The following ZNF354C variants were observed in gnomAD, a reference collection of about 807,000 sequenced individuals.
ZNF354C encodes KRAB-zinc finger protein synten.
A neutral mutation model predicts 12.4 loss-of-function variants in ZNF354C; 7 were observed. The ratio of observed to expected loss-of-function variants is 0.56; its 90% CI spans 0.32 to 1.06. ZNF354C has a LOEUF of 1.06. Ranked by LOEUF, ZNF354C falls within the 50% of genes least tolerant of loss-of-function variation. ZNF354C has a pLI of 0.04. For synonymous variants in ZNF354C, 202 were observed against 224.5 expected (o/e 0.90, Z 0.90); for missense variants, 609 against 658.0 (o/e 0.93, Z 0.81).
Position 179,081,723 on chromosome 5 carries a change from C to T in ZNF354C, c.*1626C>T, listed in dbSNP as rs185025336. ...TACCCAAATTTTGGTTTCTAAATGC[C>T]ATTCCCCACTAAAAGGAACCAGGGT... On this transcript the variant is annotated 3_prime_UTR_variant, in exon 5 of 5. Coordinates refer to ENST00000315475, the MANE Select transcript of ZNF354C (RefSeq NM_014594.3). 1.5e-4 allele frequency: 23 copies of T among 152,284 alleles called. No individual in the cohort carries two copies. Among genetic ancestry groups the T allele is most frequent in the Admixed American group, 9.2e-4 (14 of 15,294 alleles). The allele number at this position is 152,284 out of a possible 1,614,324, so 9.4% of individuals were successfully genotyped here.
In ZNF354C at chr5:179,076,489, C is replaced by T. The variant is rs751805522; in HGVS notation, c.72C>T (p.Asp24=). The change falls in exon 3 of 5, where the codon GAC becomes GAT. Residue 24 remains aspartate, a synonymous_variant. Transcript: ENST00000315475. ...FRDVAVFFSQ[D]EWLHLDSAQR... is the part of the protein sequence containing the mutation. ...ATGTGGCCGTGTTCTTCAGCCAGGA[C>T]GAGTGGTTGCACCTGGACTCTGCCC... 48 of 1,614,156 alleles carry T rather than the reference C, an allele frequency of 3.0e-5. No individual in the cohort carries two copies. Among genetic ancestry groups the T allele is most frequent in the African/African-American group, 8.0e-5 (6 of 75,036 alleles).
chr5:179,072,677 C>T (rs1762066030), intron 2 of ZNF354C, among the ~76,000 whole-genome samples: 1 of 152,134 alleles, frequency 6.6e-6, no homozygotes, highest in South Asian at 2.1e-4. Context: ...ATGCAAGCCA[C>T]ATACCTAATA....
rs149015422 is a variant in ZNF354C at position 179,064,136 on chromosome 5, A to G, written c.27+2041A>G. 3.0e-4 allele frequency among the ~76,000 whole-genome samples: 45 copies of G among 152,362 alleles called. No individual in the cohort carries two copies. In the East Asian group the frequency reaches 7.1e-3, roughly 24 times the overall value. On this transcript the variant is annotated intron_variant, in intron 2 of 4. Coordinates refer to ENST00000315475, the MANE Select transcript of ZNF354C (RefSeq NM_014594.3). ...GACTTACTTCATTTTAGCCAAGGGC[A>G]GAGGTAGGTTTGTTTGCAACTCAGA... is the stretch of plus-strand genomic sequence containing the variant.
rs755488694 is a variant in ZNF354C, at chr5:179,079,011, T to C, written c.579T>C (p.Phe193=). ...IERIPNMYYT[F]GKDFKQNFDL... is the part of the protein sequence containing the mutation. ...GGATACCCAATATGTATTATACATTTGGGAAAGATTTTAAACAGAATTTTG... is the reference window on the plus strand; with the variant it reads ...GGATACCCAATATGTATTATACATTCGGGAAAGATTTTAAACAGAATTTTG... The change falls in exon 5 of 5, where the codon TTT becomes TTC. Residue 193 remains phenylalanine (F), a synonymous_variant. Transcript: ENST00000315475. This position sits in a 1 kb window ranked among gnomAD's most constrained non-coding sequence, Gnocchi z 4.2. The C allele has an allele frequency of 5.0e-6, 8 of 1,612,974 alleles. No individual in the cohort carries two copies. Among genetic ancestry groups the C allele is most frequent in the Admixed American group, 1.7e-5 (1 of 59,828 alleles).
Position 179,083,840 on chromosome 5 carries a change from G to C in ZNF354C, c.*3743G>C, listed in dbSNP as rs1343805039. Reference sequence around the variant, plus strand: ...CCTGGGCATTCCTGTGGTGAGGACAGAGATGGCTGAGCAGGCATCTAAACC... The same window carrying C: ...CCTGGGCATTCCTGTGGTGAGGACACAGATGGCTGAGCAGGCATCTAAACC... On this transcript the variant is annotated 3_prime_UTR_variant, in exon 5 of 5. Transcript: ENST00000315475. Among the ~76,000 whole-genome samples, 2 of 152,204 alleles carry C rather than the reference G, an allele frequency of 1.3e-5. No individual in the cohort carries two copies. Among genetic ancestry groups the C allele is most frequent in the Non-Finnish European group, 2.9e-5 (2 of 68,034 alleles).
rs1028805002 is a variant in ZNF354C at position 179,082,750 on chromosome 5, G to A, written c.*2653G>A. 2.9e-5 allele frequency: 42 copies of A among 1,435,518 alleles called. No individual in the cohort carries two copies. The highest frequency in any genetic ancestry group is 7.1e-5 in the African/African-American group (5 of 70,650). 88.9% of individuals were successfully genotyped at this position (1,435,518 alleles called of 1,614,324 possible). ...GAGTTATCTGGTCCCCTTGGCTGAC[G>A]AAGAGCCATTAGGCGAGGATCACTG... On this transcript the variant is annotated 3_prime_UTR_variant, in exon 5 of 5. Coordinates refer to ENST00000315475, the MANE Select transcript of ZNF354C (RefSeq NM_014594.3).
chr5:179,075,653 A>G (rs1014835446), intron 2 of ZNF354C, among the ~76,000 whole-genome samples: 3 of 152,154 alleles, frequency 2.0e-5, no homozygotes, highest in Admixed American at 6.5e-5. Flanking sequence ...TGTGTCATAT[A>G]TATGTATATA....
intron 2 of ZNF354C, among the ~76,000 whole-genome samples, chr5:179,072,775 A>G (rs1011799781): frequency 6.6e-6 from 1 of 152,244 alleles, no homozygotes; most frequent in Non-Finnish European, 1.5e-5. Flanking sequence ...CAGTAGATCC[A>G]AATATTATTT....
At chr5:179,062,306 C>T (rs1045387211) in intron 2 of ZNF354C, among the ~76,000 whole-genome samples, 3 of 152,158 alleles carry the variant, frequency 2.0e-5, no homozygotes, top group African/African-American at 4.8e-5. Flanking sequence ...TAATTCACCC[C>T]GCTCACTCTG....
At chr5:179,069,888 C>A (rs980715951) in intron 2 of ZNF354C, among the ~76,000 whole-genome samples, 3 of 151,944 alleles carry the variant, frequency 2.0e-5, no homozygotes, top group South Asian at 2.1e-4. Flanking sequence ...ACAAAAAAAA[C>A]CAGATATTTA....
chr5:179,077,638 G>GA (rs1762141929), intron 4 of ZNF354C, among the ~76,000 whole-genome samples: 1 of 152,048 alleles, frequency 6.6e-6, no homozygotes, highest in African/African-American at 2.4e-5. Context: ...AAGGTAATAT[G>GA]AAAAAAATTG....
At chr5:179,075,305 C>T (rs1457648610) in intron 2 of ZNF354C, among the ~76,000 whole-genome samples, 1 of 151,512 alleles carries the variant, frequency 6.6e-6, no homozygotes, top group African/African-American at 2.4e-5. Context: ...GCCTGTAGTC[C>T]CAGCTACTCA....
chr5:179,074,235 C>G (rs1305236532), intron 2 of ZNF354C, among the ~76,000 whole-genome samples: 1 of 152,206 alleles, frequency 6.6e-6, no homozygotes, highest in African/African-American at 2.4e-5. Context: ...CCCGCGTCAG[C>G]CTCCCAAAGT....
chr5:179,079,923 A>G lies in ZNF354C; in HGVS notation c.1491A>G (p.Lys497=), dbSNP rs750358137. ...ERIHTGEKLY[K]CMECGKAYSY... The stretch of plus-strand genomic sequence containing the variant: ...TCCACACTGGAGAGAAACTGTATAA[A>G]TGTATGGAATGTGGGAAAGCCTACA... Residue 497 remains lysine, a synonymous_variant, in exon 5 of 5, where the codon AAA becomes AAG. Transcript: ENST00000315475. The surrounding 1 kb of genome is among the most constrained non-coding windows in gnomAD (Gnocchi z 4.2). 14 of 1,613,832 alleles carry G rather than the reference A, an allele frequency of 8.7e-6. No individual in the cohort carries two copies. Among genetic ancestry groups the G allele is most frequent in the Non-Finnish European group, 1.2e-5 (14 of 1,179,954 alleles).
chr5:179,071,716 G>A (rs1293558238), intron 2 of ZNF354C, among the ~76,000 whole-genome samples: 2 of 152,142 alleles, frequency 1.3e-5, no homozygotes, highest in Non-Finnish European at 2.9e-5. Context: ...AGAGTTTGAG[G>A]CAAACTTAGC....
At chr5:179,076,641 A>T in intron 3 of ZNF354C, 70 bp downstream of exon 3, 1 of 1,579,448 alleles carries the variant, frequency 6.3e-7, no homozygotes, top group Non-Finnish European at 8.6e-7. Flanking sequence ...TGGGGTTCCG[A>T]GCCTGTGGTC....
At chr5:179,075,975 TTCAGTTTTACTGGCTTGAGG>T (rs1762114318) in intron 2 of ZNF354C, among the ~76,000 whole-genome samples, 1 of 152,250 alleles carries the variant, frequency 6.6e-6, no homozygotes, top group African/African-American at 2.4e-5. Context: ...GAAGTCTGAA[TTCAGTTTTACTGGCTTGAGG>T]TCAGGCTGTC....
chr5:179,082,907 C>T lies in ZNF354C; in HGVS notation c.*2810C>T. ...ACTTGCCAGTGCGCTGATGAAGAAT[C>T]ACGGAGAACTCCACCTCATCTCCTG... On this transcript the variant is annotated 3_prime_UTR_variant, in exon 5 of 5. Coordinates refer to ENST00000315475, the MANE Select transcript of ZNF354C (RefSeq NM_014594.3). The T allele has an allele frequency of 1.0e-6, 1 of 986,262 alleles. No homozygotes were observed. Among genetic ancestry groups the T allele is most frequent in the Non-Finnish European group, 1.6e-6 (1 of 613,194 alleles). The allele number at this position is 986,262 out of a possible 1,614,324, so 61.1% of individuals were successfully genotyped here.
rs1173611283 is a variant in ZNF354C, at chr5:179,079,126, A to G, written c.694A>G (p.Ile232Val). ...GKSFKQNLHL[I>V]EHQRIHTGEK... ...GAGCTTCAAGCAGAATCTGCATCTTATTGAACATCAGAGAATTCATACAGG... is the reference window on the plus strand; with the variant it reads ...GAGCTTCAAGCAGAATCTGCATCTTGTTGAACATCAGAGAATTCATACAGG... Residue 232 changes from isoleucine to valine, a missense_variant, in exon 5 of 5, where the codon ATT becomes GTT. By Grantham distance (29) the Ile-to-Val change is conservative. Coordinates refer to ENST00000315475, the MANE Select transcript of ZNF354C (RefSeq NM_014594.3). The surrounding 1 kb of genome is among the most constrained non-coding windows in gnomAD (Gnocchi z 4.2). 2.5e-6 allele frequency: 4 copies of G among 1,613,886 alleles called. No individual in the cohort carries two copies. Among genetic ancestry groups the G allele is most frequent in the Non-Finnish European group, 3.4e-6 (4 of 1,179,980 alleles).
Sources: gnomAD v4.1 joint callset for allele counts (sites outside exome capture counted in the v4.1 genomes callset) on GRCh38, gnomAD v4.1.1 for gene constraint, Gnocchi (gnomAD v3.1) non-coding constraint, MANE v1.5 for transcripts, NCBI Gene and HGNC (gene_info 2026-07-23, HGNC 2026-07-21) for gene names.